KCNQ3: variants seen among roughly 807,000 people sequenced by gnomAD.
The protein encoded by KCNQ3 is potassium voltage-gated channel subfamily KQT member 3.
KCNQ3 carries 30 observed loss-of-function variants against 92.5 expected under a neutral mutation model. The ratio of observed to expected loss-of-function variants is 0.32; its 90% CI spans 0.24 to 0.44. KCNQ3 has a LOEUF of 0.44. Ranked by LOEUF, KCNQ3 falls within the 20% of genes least tolerant of loss-of-function variation. The pLI is 1.00. For synonymous variants in KCNQ3, 450 were observed against 468.8 expected (o/e 0.96, Z 0.52); for missense variants, 913 against 1,140.3 (o/e 0.80, Z 2.87).
chr8:132,151,563 T>C lies in KCNQ3; in HGVS notation c.1263-10232A>G, dbSNP rs995960253. 3.9e-5 allele frequency among the ~76,000 whole-genome samples: 6 copies of C among 152,350 alleles called. No individual in the cohort carries two copies. In the South Asian group the frequency reaches 8.3e-4, roughly 21 times the overall value. ...GCATTAAAATAAAAGCACAACAAGGTATTCTCAAGGCATTAATCTTCTCTT... is the reference window on the plus strand; with the variant it reads ...GCATTAAAATAAAAGCACAACAAGGCATTCTCAAGGCATTAATCTTCTCTT... On this transcript the variant is annotated intron_variant, in intron 9 of 14. Coordinates refer to ENST00000388996, the MANE Select transcript of KCNQ3 (RefSeq NM_004519.4).
chr8:132,295,619 A>G (rs986472876), intron 1 of KCNQ3, among the ~76,000 whole-genome samples: 13 of 152,246 alleles, frequency 8.5e-5, no homozygotes, highest in Non-Finnish European at 8.8e-5. Flanking sequence ...AATAGCAAAG[A>G]CATGGAATAA....
intron 1 of KCNQ3, among the ~76,000 whole-genome samples, chr8:132,272,658 C>A (rs1235887315): frequency 6.6e-6 from 1 of 152,138 alleles, no homozygotes; most frequent in African/African-American, 2.4e-5. Flanking sequence ...TGCAGGGGAA[C>A]TCCTCTTTTG....
chr8:132,296,054 T>C (rs1198170375), intron 1 of KCNQ3, among the ~76,000 whole-genome samples: 2 of 152,180 alleles, frequency 1.3e-5, no homozygotes, highest in East Asian at 3.8e-4. Flanking sequence ...TAAAAAATAA[T>C]AAAGTTATTG....
intron 1 of KCNQ3, among the ~76,000 whole-genome samples, chr8:132,430,933 A>C (rs554479833): frequency 6.6e-6 from 1 of 152,074 alleles, no homozygotes; most frequent in Non-Finnish European, 1.5e-5. Flanking sequence ...TCAAGCGTCC[A>C]TATCCTTCTC....
intron 1 of KCNQ3, among the ~76,000 whole-genome samples, chr8:132,416,858 G>A (rs1257100630): frequency 2.0e-5 from 3 of 152,132 alleles, no homozygotes; most frequent in African/African-American, 7.2e-5. Flanking sequence ...CTTTGTGAAG[G>A]GTGTCCCTCT....
At chr8:132,402,278 C>T (rs749647401) in intron 1 of KCNQ3, among the ~76,000 whole-genome samples, 6 of 152,110 alleles carry the variant, frequency 3.9e-5, no homozygotes, top group Admixed American at 3.9e-4. Flanking sequence ...TGAGAACTGG[C>T]CCCCACTGCC....
At chr8:132,285,524 C>T (rs889816882) in intron 1 of KCNQ3, among the ~76,000 whole-genome samples, 3 of 152,142 alleles carry the variant, frequency 2.0e-5, no homozygotes, top group African/African-American at 4.8e-5. Context: ...AGTGCTCAGG[C>T]AGATGTATGG....
intron 8 of KCNQ3, among the ~76,000 whole-genome samples, chr8:132,169,386 A>G (rs141310187): frequency 4.3e-4 from 65 of 152,366 alleles, no homozygotes; most frequent in African/African-American, 1.5e-3. Context: ...TGCCTAGAGC[A>G]TAGTGGGCAT....
intron 1 of KCNQ3, chr8:132,277,962 A>G: frequency 1.0e-6 from 1 of 985,354 alleles, no homozygotes; most frequent in Non-Finnish European, 1.2e-6. Context: ...TTCCACAAGC[A>G]TCTCACCTTC....
rs749500398 is a variant in KCNQ3 at position 132,132,252 on chromosome 8, A to G, written c.1812T>C (p.Tyr604=). The G allele has an allele frequency of 3.1e-6, 5 of 1,612,392 alleles. No individual in the cohort carries two copies. In the African/African-American group the frequency reaches 6.7e-5, roughly 22 times the overall value. ...PSQQSPRNEP[Y]VARPSTSEIE... The stretch of plus-strand genomic sequence containing the variant: ...TTTCTGATGTGGATGGTCTGGCTAC[A>G]TATGGTTCATTCCTAAGAAGAAGCG... Residue 604 remains tyrosine (Y), a synonymous_variant, in exon 14 of 15, where the codon TAT becomes TAC. Transcript: ENST00000388996.
chr8:132,132,936 A>G (rs1199002519), intron 13 of KCNQ3, among the ~76,000 whole-genome samples: 11 of 152,090 alleles, frequency 7.2e-5, no homozygotes, highest in Admixed American at 7.2e-4. Context: ...GCACTTTCTC[A>G]ATAGTTGATT....
chr8:132,147,452 G>A (rs554161013), intron 9 of KCNQ3, among the ~76,000 whole-genome samples: 6 of 152,318 alleles, frequency 3.9e-5, no homozygotes, highest in Non-Finnish European at 7.4e-5. Context: ...GAGAGGCATC[G>A]TGTCAAGTAA....
chr8:132,340,361 C>T (rs565586432), intron 1 of KCNQ3, among the ~76,000 whole-genome samples: 3 of 152,116 alleles, frequency 2.0e-5, no homozygotes, highest in Admixed American at 1.3e-4. Flanking sequence ...GGAACCAACC[C>T]GAATGCCTGT....
At chr8:132,299,462 G>T (rs1197703372) in intron 1 of KCNQ3, among the ~76,000 whole-genome samples, 4 of 152,092 alleles carry the variant, frequency 2.6e-5, no homozygotes, top group Non-Finnish European at 4.4e-5. Context: ...AACATCCAGG[G>T]TTGAGACCCA....
intron 1 of KCNQ3, among the ~76,000 whole-genome samples, chr8:132,340,311 C>T (rs1818490069): frequency 6.6e-6 from 1 of 152,148 alleles, no homozygotes; most frequent in African/African-American, 2.4e-5. Flanking sequence ...CGCATGCACA[C>T]ATATGTTTAT....
intron 1 of KCNQ3, among the ~76,000 whole-genome samples, chr8:132,323,719 C>A (rs1282725964): frequency 2.6e-5 from 4 of 152,086 alleles, no homozygotes; most frequent in African/African-American, 7.2e-5. Flanking sequence ...TTTTTCATAG[C>A]CCTGCTGTAG....
intron 1 of KCNQ3, among the ~76,000 whole-genome samples, chr8:132,228,704 C>T (rs1814522291): frequency 6.6e-6 from 1 of 150,824 alleles, no homozygotes; most frequent in East Asian, 2.0e-4. Context: ...AGTTCTATCT[C>T]AGTCTGGGGG....
At chr8:132,402,338 C>T (rs1366729460) in intron 1 of KCNQ3, among the ~76,000 whole-genome samples, 1 of 152,208 alleles carries the variant, frequency 6.6e-6, no homozygotes, top group Non-Finnish European at 1.5e-5. Flanking sequence ...ACTTGCTCGG[C>T]TTCTGGTGAG....
chr8:132,351,355 A>G (rs1170798008), intron 1 of KCNQ3, among the ~76,000 whole-genome samples: 2 of 152,146 alleles, frequency 1.3e-5, no homozygotes, highest in African/African-American at 4.8e-5. Flanking sequence ...AATTTACTCA[A>G]TCAAAAACTA....
Sources: allele counts gnomAD v4.1 joint callset (sites outside exome capture counted in the v4.1 genomes callset), GRCh38; gene constraint gnomAD v4.1.1; transcripts MANE v1.5; gene names NCBI Gene and HGNC (gene_info 2026-07-23, HGNC 2026-07-21).